Variants in FGF14 observed in about 807,000 individuals in gnomAD.
FGF14 encodes the protein fibroblast growth factor homologous factor 4.
A neutral mutation model predicts 25.5 loss-of-function variants in FGF14; 5 were observed. The observed-to-expected ratio is 0.20, with a 90% confidence interval of 0.10 to 0.41. The LOEUF (loss-of-function observed/expected upper bound fraction) is 0.41. Among genes scored for constraint, FGF14 ranks in the 10% least tolerant of loss-of-function variants. FGF14 has a pLI of 1.00. For synonymous variants in FGF14, 138 were observed against 118.3 expected, an observed-to-expected ratio of 1.17 and a Z score of -1.08; for missense variants, 222 against 320.1, an observed-to-expected ratio of 0.69 and a Z score of 2.34.
intron 1 of FGF14, among the ~76,000 whole-genome samples, chr13:102,320,293 C>T (rs1244962164): frequency 6.6e-6 from 1 of 150,888 alleles, no homozygotes; most frequent in Non-Finnish European, 1.5e-5. Context: ...CCTCATGAGA[C>T]TTCACAAGTC....
At chr13:102,332,337 T>A (rs1012006090) in intron 1 of FGF14, among the ~76,000 whole-genome samples, 2 of 152,158 alleles carry the variant, frequency 1.3e-5, no homozygotes, top group Admixed American at 1.3e-4. Context: ...AATGCATAAA[T>A]GATGCAGTAG....
At chr13:102,018,874 C>A (rs578009462) in intron 1 of FGF14, among the ~76,000 whole-genome samples, 1 of 152,294 alleles carries the variant, frequency 6.6e-6, no homozygotes, top group East Asian at 1.9e-4. Flanking sequence ...TACCAGATAA[C>A]ATTCCAGACC....
At chr13:101,849,748 A>G (rs941064591) in intron 3 of FGF14, among the ~76,000 whole-genome samples, 4 of 152,084 alleles carry the variant, frequency 2.6e-5, no homozygotes, top group Admixed American at 2.6e-4. Flanking sequence ...ATAGAACTCC[A>G]TGCCTGATCC....
intron 1 of FGF14, among the ~76,000 whole-genome samples, chr13:102,239,428 G>A (rs1054122267): frequency 3.3e-5 from 5 of 152,244 alleles, no homozygotes; most frequent in Admixed American, 2.6e-4. Context: ...ATACTTCTGG[G>A]TTGGGCATTC....
intron 1 of FGF14, chr13:102,395,613 A>G (rs895811237): frequency 2.6e-5 from 4 of 152,262 alleles, no homozygotes; most frequent in Non-Finnish European, 5.9e-5. Flanking sequence ...TTAACCAAGT[A>G]AAATGTATCG....
intron 1 of FGF14, among the ~76,000 whole-genome samples, chr13:102,362,874 A>T (rs533162962): frequency 2.6e-5 from 4 of 152,232 alleles, no homozygotes; most frequent in Non-Finnish European, 5.9e-5. Flanking sequence ...TTAAAATAAT[A>T]ACTATCTTTA....
At chr13:102,019,166 C>T (rs1477808078) in intron 1 of FGF14, among the ~76,000 whole-genome samples, 1 of 152,138 alleles carries the variant, frequency 6.6e-6, no homozygotes, top group Non-Finnish European at 1.5e-5. Flanking sequence ...ACCCTATCCT[C>T]ACATCCTAAC....
intron 1 of FGF14, among the ~76,000 whole-genome samples, chr13:102,360,364 A>T (rs1198570209): frequency 6.6e-6 from 1 of 152,192 alleles, no homozygotes; most frequent in Non-Finnish European, 1.5e-5. Flanking sequence ...TGTGCTACTT[A>T]TATCTGCTCA....
intron 1 of FGF14, among the ~76,000 whole-genome samples, chr13:101,964,898 C>A (rs1389302257): frequency 6.6e-6 from 1 of 152,142 alleles, no homozygotes; most frequent in African/African-American, 2.4e-5. Context: ...TTAGCACATT[C>A]TCATTCTGGT....
At chr13:101,955,997 T>G (rs1444386751) in intron 1 of FGF14, among the ~76,000 whole-genome samples, 1 of 152,226 alleles carries the variant, frequency 6.6e-6, no homozygotes, top group African/African-American at 2.4e-5. Flanking sequence ...CATTTAAGTA[T>G]TTGGCAAGTT....
intron 1 of FGF14, among the ~76,000 whole-genome samples, chr13:101,905,552 G>A (rs2032137781): frequency 6.6e-6 from 1 of 152,066 alleles, no homozygotes; most frequent in South Asian, 2.1e-4. Flanking sequence ...GGGCCTGTTG[G>A]GAGGTGGGGA....
intron 3 of FGF14, among the ~76,000 whole-genome samples, chr13:101,793,078 A>G (rs1343897353): frequency 6.6e-6 from 1 of 152,126 alleles, no homozygotes; most frequent in African/African-American, 2.4e-5. Flanking sequence ...TATTAGCTGT[A>G]TTCACTACAC....
chr13:102,264,347 G>T (rs760702344), intron 1 of FGF14, among the ~76,000 whole-genome samples: 4 of 152,110 alleles, frequency 2.6e-5, no homozygotes, highest in Non-Finnish European at 4.4e-5. Context: ...CATAAAATTA[G>T]CATCTACTAT....
At chr13:101,791,711 T>C (rs1472598983) in intron 3 of FGF14, among the ~76,000 whole-genome samples, 1 of 152,134 alleles carries the variant, frequency 6.6e-6, no homozygotes, top group Non-Finnish European at 1.5e-5. Flanking sequence ...CCACCCATTA[T>C]TGTTAATTTT....
chr13:102,118,857 T>C (rs2045591206), intron 1 of FGF14, among the ~76,000 whole-genome samples: 1 of 152,192 alleles, frequency 6.6e-6, no homozygotes, highest in African/African-American at 2.4e-5. Context: ...TTACTAGATA[T>C]AATTGTTATA....
chr13:101,971,434 G>T (rs1024140575), intron 1 of FGF14, among the ~76,000 whole-genome samples: 3 of 151,220 alleles, frequency 2.0e-5, no homozygotes, highest in Non-Finnish European at 2.9e-5. Context: ...GCAGTGGCAT[G>T]TTCTTGGCTC....
chr13:102,135,772 C>T (rs534174841), intron 1 of FGF14, among the ~76,000 whole-genome samples: 1 of 152,278 alleles, frequency 6.6e-6, no homozygotes, highest in Admixed American at 6.5e-5. Flanking sequence ...TCTCCTACCT[C>T]AGCCTCCCGA....
intron 1 of FGF14, among the ~76,000 whole-genome samples, chr13:102,022,800 C>T (rs924691169): frequency 6.6e-6 from 1 of 151,978 alleles, no homozygotes. Flanking sequence ...TATTAATAAA[C>T]ATTGTATTCC....
intron 1 of FGF14, among the ~76,000 whole-genome samples, chr13:101,962,618 T>C (rs2036934026): frequency 6.6e-6 from 1 of 152,188 alleles, no homozygotes; most frequent in African/African-American, 2.4e-5. Context: ...ATAAAGTTCA[T>C]TTTCACTGAA....
Sources: allele counts gnomAD v4.1 joint callset (sites outside exome capture counted in the v4.1 genomes callset), GRCh38; gene constraint gnomAD v4.1.1; transcripts MANE v1.5; gene names NCBI Gene and HGNC (gene_info 2026-07-23, HGNC 2026-07-21).